The following MUCL1 variants were observed in gnomAD, a reference collection of about 807,000 sequenced individuals.
MUCL1 encodes mucin like 1, also known as mucin-like protein 1.
In MUCL1, 11 loss-of-function variants were observed where a neutral mutation model predicts 9.2. The observed-to-expected ratio is 1.19, with a 90% CI of 0.75 to 1.97. The LOEUF is 1.97. Among genes scored for constraint, MUCL1 ranks in the 30% most tolerant of loss-of-function variants. The probability of loss-of-function intolerance (pLI) is 0.00; values close to 1 mark genes in which losing one functional copy is unlikely to be tolerated. For synonymous variants in MUCL1, 48 were observed against 40.5 expected, an observed-to-expected ratio of 1.19 and a Z score of -0.71; for missense variants, 144 against 110.9, an observed-to-expected ratio of 1.30 and a Z score of -1.34.
At chr12:54,837,995 G>C (rs917078957), upstream of MUCL1, among the ~76,000 whole-genome samples, 8 of 152,062 alleles carry the variant, frequency 5.3e-5, no homozygotes, top group African/African-American at 1.9e-4. Flanking sequence ...TTGATACTTT[G>C]CTATCTTCAT....
intron 1 of MUCL1, among the ~76,000 whole-genome samples, chr12:54,834,021 A>C (rs1959189059): frequency 6.6e-6 from 1 of 152,186 alleles, no homozygotes; most frequent in Non-Finnish European, 1.5e-5. Context: ...CATTATAACT[A>C]TACCCTCTGA....
At chr12:54,839,570 T>C in intron 1 of MUCL1, 1 of 689,594 alleles carries the variant, frequency 1.5e-6, no homozygotes, top group South Asian at 1.5e-5. Flanking sequence ...AACCTCATCC[T>C]CCTGTCAAGT....
At chr12:54,832,750 T>C (rs1959187045) in intron 1 of MUCL1, among the ~76,000 whole-genome samples, 1 of 152,014 alleles carries the variant, frequency 6.6e-6, no homozygotes, top group Admixed American at 6.6e-5. Context: ...CTGGTAAAAA[T>C]AATTTATATT....
At chr12:54,851,724 T>C (rs1038240672), upstream of MUCL1, among the ~76,000 whole-genome samples, 4 of 152,204 alleles carry the variant, frequency 2.6e-5, no homozygotes, top group African/African-American at 9.7e-5. Flanking sequence ...AAATTGTCCT[T>C]GTTTGCAGAT....
At chr12:54,844,557 C>T (rs976970437) in intron 1 of MUCL1, among the ~76,000 whole-genome samples, 2 of 152,170 alleles carry the variant, frequency 1.3e-5, no homozygotes, top group Admixed American at 6.5e-5. Flanking sequence ...ACTGATGACA[C>T]TTTTGACATT....
intron 1 of MUCL1, among the ~76,000 whole-genome samples, chr12:54,844,344 C>T (rs1485334104): frequency 6.6e-6 from 1 of 151,842 alleles, no homozygotes; most frequent in Non-Finnish European, 1.5e-5. Flanking sequence ...TTTTTTGATG[C>T]CCTAAGAGGT....
chr12:54,844,994 G>A (rs1392000151), intron 1 of MUCL1, among the ~76,000 whole-genome samples: 2 of 119,714 alleles, frequency 1.7e-5, no homozygotes, highest in South Asian at 3.2e-4. Flanking sequence ...CTATGTATGA[G>A]GCACACTTGG....
intron 1 of MUCL1, among the ~76,000 whole-genome samples, chr12:54,841,140 C>T (rs1358346388): frequency 6.6e-6 from 1 of 152,206 alleles, no homozygotes; most frequent in Non-Finnish European, 1.5e-5. Flanking sequence ...CCAGGTTCAT[C>T]CATGTTGCCA....
At chr12:54,839,296 G>A (rs952351819), upstream of MUCL1, 2 of 689,658 alleles carry the variant, frequency 2.9e-6, no homozygotes, top group Non-Finnish European at 5.3e-6. Context: ...GAATGGTGGG[G>A]GTGTCTTGAA....
upstream of MUCL1, among the ~76,000 whole-genome samples, chr12:54,835,430 A>G (rs1959191370): frequency 6.6e-6 from 1 of 151,976 alleles, no homozygotes; most frequent in Non-Finnish European, 1.5e-5. Flanking sequence ...TGTTTTTTTG[A>G]CTTTTTAATA....
chr12:54,854,632 T>C lies in MUCL1; in HGVS notation c.50T>C (p.Val17Ala). 8 of 1,613,098 alleles carry C rather than the reference T, an allele frequency of 5.0e-6. No homozygotes were observed. Among genetic ancestry groups the C allele is most frequent in the Non-Finnish European group, 6.8e-6 (8 of 1,179,298 alleles). The change falls in exon 1 of 4, where the codon GTC (valine) becomes GCC (alanine). Residue 17 changes from valine (V) to alanine (A), a missense_variant. Val to Ala is a moderately conservative substitution (Grantham distance 64). Coordinates refer to ENST00000308796, the MANE Select transcript of MUCL1 (RefSeq NM_058173.3). ...LVLLGVSIFLVSAQNPTTAAP... is the reference protein window; with the variant it reads ...LVLLGVSIFLASAQNPTTAAP... ...CTCTTGGGAGTTTCCATCTTTCTGG[T>C]CTCTGCCCGTAAGTAAAGATTCTTA...
chr12:54,830,840 A>T (rs879456540), exon 1 of MUCL1: 6 of 152,148 alleles, frequency 3.9e-5, no homozygotes, highest in East Asian at 3.8e-4. Flanking sequence ...ACAGAAAAAA[A>T]ACTTTGGAAA....
chr12:54,857,117 T>C (rs1184484355), intron 3 of MUCL1, among the ~76,000 whole-genome samples: 1 of 152,124 alleles, frequency 6.6e-6, no homozygotes, highest in African/African-American at 2.4e-5. Flanking sequence ...TCTTGAAATA[T>C]TGACATTTAT....
upstream of MUCL1, among the ~76,000 whole-genome samples, chr12:54,836,014 T>A (rs1461135100): frequency 6.6e-6 from 1 of 152,214 alleles, no homozygotes; most frequent in African/African-American, 2.4e-5. Flanking sequence ...TGCATCTGTG[T>A]TCATCAGGAA....
At chr12:54,851,502 C>A (rs536152138), upstream of MUCL1, among the ~76,000 whole-genome samples, 8 of 152,226 alleles carry the variant, frequency 5.3e-5, no homozygotes, top group African/African-American at 1.9e-4. Context: ...ATTGATGGGA[C>A]GTATCTCAAA....
At chr12:54,842,944 T>C (rs900348434) in intron 1 of MUCL1, among the ~76,000 whole-genome samples, 1 of 152,198 alleles carries the variant, frequency 6.6e-6, no homozygotes, top group Non-Finnish European at 1.5e-5. Flanking sequence ...ATCTTTTCTA[T>C]GTTTAGATAC....
At chr12:54,855,689 C>T (rs1173267845) in intron 2 of MUCL1, among the ~76,000 whole-genome samples, 7 of 152,164 alleles carry the variant, frequency 4.6e-5, no homozygotes, top group Non-Finnish European at 8.8e-5. Flanking sequence ...AACCTGAAAA[C>T]GAAGGTGGTA....
At chr12:54,850,824 G>T (rs985700078), upstream of MUCL1, among the ~76,000 whole-genome samples, 14 of 152,164 alleles carry the variant, frequency 9.2e-5, no homozygotes, top group Non-Finnish European at 1.9e-4. Context: ...AGTACCTGTT[G>T]TTTCCTGACT....
chr12:54,839,512 G>A (rs78092954), intron 1 of MUCL1: 2 of 700,504 alleles, frequency 2.9e-6, no homozygotes, highest in South Asian at 1.5e-5. Flanking sequence ...GCTGGGGGAG[G>A]TCTCAGTGAA....
Sources: gnomAD v4.1 joint callset for allele counts (sites outside exome capture counted in the v4.1 genomes callset) on GRCh38, gnomAD v4.1.1 for gene constraint, MANE v1.5 for transcripts, NCBI Gene and HGNC (gene_info 2026-07-23, HGNC 2026-07-21) for gene names.